Variants in PPP2R5C observed in about 807,000 individuals in gnomAD.
PPP2R5C encodes the protein serine/threonine-protein phosphatase 2A 56 kDa regulatory subunit gamma isoform.
PPP2R5C carries 7 observed loss-of-function variants against 68.9 expected under a neutral mutation model. The observed-to-expected ratio is 0.10, with a 90% CI of 0.06 to 0.19. The LOEUF is 0.19. PPP2R5C is among the 10% of genes least tolerant of loss of function. The pLI is 1.00. For synonymous variants in PPP2R5C, 210 were observed against 222.2 expected, an observed-to-expected ratio of 0.95 and a Z score of 0.49; for missense variants, 348 against 641.3, an observed-to-expected ratio of 0.54 and a Z score of 4.94.
chr14:101,912,371 TA>T, intron 11 of PPP2R5C, 29 bp from the exon 14 acceptor site: 1 of 1,572,084 alleles, frequency 6.4e-7, no homozygotes, highest in Non-Finnish European at 8.6e-7. Context: ...GATGCATCTC[TA>T]ACACAGATGA....
chr14:101,762,343 G>A (rs574554977), intron 1 of PPP2R5C, among the ~76,000 whole-genome samples: 1 of 152,316 alleles, frequency 6.6e-6, no homozygotes, highest in African/African-American at 2.4e-5. Context: ...AGACGCCTGG[G>A]GAGGGACCCC....
chr14:101,796,945 C>A (rs1348489647), intron 3 of PPP2R5C: 6 of 316,564 alleles, frequency 1.9e-5, no homozygotes, highest in Non-Finnish European at 3.1e-5. Context: ...CATGTTAAAA[C>A]ATAATATTTA....
intron 1 of PPP2R5C, among the ~76,000 whole-genome samples, chr14:101,847,176 GC>G (rs1279580786): frequency 6.6e-6 from 1 of 152,194 alleles, no homozygotes; most frequent in Non-Finnish European, 1.5e-5. Context: ...AGTTTTAGAT[GC>G]TGAGGATAAA....
At chr14:101,775,429 T>G (rs2037366725) in intron 2 of PPP2R5C, among the ~76,000 whole-genome samples, 1 of 152,216 alleles carries the variant, frequency 6.6e-6, no homozygotes, top group Admixed American at 6.5e-5. Context: ...CTGCACAGAT[T>G]GCCTTTTACT....
At chr14:101,855,607 C>T (rs1047791224) in intron 1 of PPP2R5C, among the ~76,000 whole-genome samples, 6 of 152,226 alleles carry the variant, frequency 3.9e-5, no homozygotes, top group Admixed American at 1.3e-4. Context: ...TTGGAAAATA[C>T]TTGTTCACGG....
intron 1 of PPP2R5C, among the ~76,000 whole-genome samples, chr14:101,842,613 C>G (rs760186392): frequency 3.3e-5 from 5 of 152,130 alleles, no homozygotes; most frequent in Non-Finnish European, 7.4e-5. Context: ...CAGAATCATC[C>G]TCCAGGTCAT....
At chr14:101,842,500 C>T (rs890613825) in intron 1 of PPP2R5C, among the ~76,000 whole-genome samples, 8 of 152,156 alleles carry the variant, frequency 5.3e-5, no homozygotes, top group Admixed American at 1.3e-4. Flanking sequence ...GGGTGCTCTG[C>T]GTGCACTCAT....
chr14:101,852,540 T>C (rs1156408587), intron 1 of PPP2R5C, among the ~76,000 whole-genome samples: 6 of 149,498 alleles, frequency 4.0e-5, no homozygotes, highest in African/African-American at 1.5e-4. Context: ...GTGATCTCAG[T>C]TCACTGCAAC....
intron 1 of PPP2R5C, among the ~76,000 whole-genome samples, chr14:101,814,654 G>A (rs576865832): frequency 4.6e-5 from 7 of 152,166 alleles, no homozygotes; most frequent in Non-Finnish European, 1.0e-4. Context: ...AGTATGTTGT[G>A]TAGAGGAATG....
intron 5 of PPP2R5C, among the ~76,000 whole-genome samples, chr14:101,887,977 G>A (rs1428492858): frequency 6.6e-6 from 1 of 152,100 alleles, no homozygotes; most frequent in Non-Finnish European, 1.5e-5. Context: ...TCTCCCGCTG[G>A]AAAAGGAAGA....
intron 2 of PPP2R5C, among the ~76,000 whole-genome samples, chr14:101,779,680 T>C (rs2037582840): frequency 6.6e-6 from 1 of 152,118 alleles, no homozygotes; most frequent in Non-Finnish European, 1.5e-5. Flanking sequence ...AACCCCATGC[T>C]ACGGAGTTTG....
upstream of PPP2R5C, among the ~76,000 whole-genome samples, chr14:101,807,111 G>A (rs2039109546): frequency 6.6e-6 from 1 of 152,044 alleles, no homozygotes; most frequent in African/African-American, 2.4e-5. Context: ...TTGGGGGGGT[G>A]GTTTTGATTG....
At chr14:101,911,008 C>T (rs1448188973) in intron 11 of PPP2R5C, among the ~76,000 whole-genome samples, 2 of 151,550 alleles carry the variant, frequency 1.3e-5, no homozygotes, top group Admixed American at 1.3e-4. Context: ...GAGTCTGAGG[C>T]AGGAGAATGG....
intron 3 of PPP2R5C, among the ~76,000 whole-genome samples, chr14:101,799,072 G>A (rs2038745912): frequency 6.6e-6 from 1 of 152,180 alleles, no homozygotes. Flanking sequence ...ACATTTGATG[G>A]AACACCTGCA....
intron 1 of PPP2R5C, chr14:101,819,515 T>TA (rs1306239677): frequency 6.4e-6 from 1 of 156,852 alleles, no homozygotes; most frequent in African/African-American, 2.4e-5. Flanking sequence ...AGCATGAAGT[T>TA]ACTGGTTTTT....
At chr14:101,864,861 G>T (rs912655593) in intron 2 of PPP2R5C, among the ~76,000 whole-genome samples, 2 of 152,258 alleles carry the variant, frequency 1.3e-5, no homozygotes, top group East Asian at 1.9e-4. Flanking sequence ...CGTTTGCTCC[G>T]GCTGCAGTGT....
Position 101,905,718 on chromosome 14 carries a change from C to T in PPP2R5C, c.1024-684C>T, listed in dbSNP as rs560274901. ...CCTCTAGTGGCTTCCCGTGAGTAAGCGCCAGTGCACTCAGGCCCTGTTCCC... is the reference window on the plus strand; with the variant it reads ...CCTCTAGTGGCTTCCCGTGAGTAAGTGCCAGTGCACTCAGGCCCTGTTCCC... On this transcript the variant is annotated intron_variant, in intron 9 of 13. Coordinates refer to ENST00000334743, the Ensembl canonical transcript of PPP2R5C. Among the ~76,000 whole-genome samples the T allele has an allele frequency of 3.7e-3, 558 of 152,090 alleles. 12 individuals are homozygous for T. The highest frequency in any genetic ancestry group is 2.1e-3 in the Non-Finnish European group (140 of 67,970).
At chr14:101,823,343 G>A (rs551221532) in intron 1 of PPP2R5C, among the ~76,000 whole-genome samples, 1 of 152,272 alleles carries the variant, frequency 6.6e-6, no homozygotes, top group Non-Finnish European at 1.5e-5. Flanking sequence ...GCCAATGTTT[G>A]ATTTATTTTG....
chr14:101,883,190 TG>T, intron 3 of PPP2R5C, 66 bp from the exon 6 acceptor site: 4 of 1,115,882 alleles, frequency 3.6e-6, no homozygotes, highest in Non-Finnish European at 5.1e-6. Context: ...ATTCAATTTC[TG>T]GTATATTTTA....
Sources: gnomAD v4.1 joint callset for allele counts (sites outside exome capture counted in the v4.1 genomes callset) on GRCh38, gnomAD v4.1.1 for gene constraint, MANE v1.5 for transcripts, NCBI Gene and HGNC (gene_info 2026-07-23, HGNC 2026-07-21) for gene names.